PPARG: variants seen among roughly 807,000 people sequenced by gnomAD.
The protein encoded by PPARG is peroxisome proliferator activated receptor gamma.
PPARG carries 17 observed loss-of-function variants against 39.2 expected under a neutral mutation model. That is an observed-to-expected ratio of 0.43 (90% confidence interval 0.30 to 0.65). The LOEUF is 0.65. Among genes scored for constraint, PPARG ranks in the 30% least tolerant of loss-of-function variants. PPARG has a pLI of 0.13. For missense variants in PPARG, 406 were observed against 585.9 expected (o/e 0.69, Z 3.17); for synonymous variants, 223 against 215.7 (o/e 1.03, Z -0.30).
intron 1 of PPARG, among the ~76,000 whole-genome samples, chr3:12,311,594 T>C (rs2047245678): frequency 6.6e-6 from 1 of 152,194 alleles, no homozygotes; most frequent in Admixed American, 6.5e-5. Flanking sequence ...GAGAAAATAC[T>C]GTAGAGTTTC....
At chr3:12,368,559 T>C (rs2049102774) in intron 2 of PPARG, among the ~76,000 whole-genome samples, 1 of 152,204 alleles carries the variant, frequency 6.6e-6, no homozygotes, top group South Asian at 2.1e-4. Flanking sequence ...ATTTAAACTC[T>C]AGCCCCAATA....
intron 7 of PPARG, among the ~76,000 whole-genome samples, chr3:12,424,208 G>C (rs1375029322): frequency 6.6e-6 from 1 of 152,204 alleles, no homozygotes; most frequent in African/African-American, 2.4e-5. Flanking sequence ...TGGGGGCGGG[G>C]ATAGAATGAT....
intron 2 of PPARG, among the ~76,000 whole-genome samples, chr3:12,314,995 T>C (rs1011525821): frequency 2.0e-4 from 30 of 152,304 alleles, no homozygotes; most frequent in African/African-American, 5.3e-4. Context: ...CTTCTAGCTA[T>C]TGGAAAATAT....
At chr3:12,408,567 C>CTTTTTTTTTTTTTT (rs397945616) in intron 6 of PPARG, among the ~76,000 whole-genome samples, 6 of 113,258 alleles carry the variant, frequency 5.3e-5, no homozygotes, top group Non-Finnish European at 1.0e-4. Flanking sequence ...CTTTTCTTTT[C>CTTTTTTTTTTTTTT]TTTTTTTTTT....
chr3:12,364,870 T>C (rs2048964712), intron 2 of PPARG, among the ~76,000 whole-genome samples: 1 of 152,222 alleles, frequency 6.6e-6, no homozygotes, highest in Non-Finnish European at 1.5e-5. Flanking sequence ...TTTTGCTCAT[T>C]TTTAAAACAG....
chr3:12,380,275 A>G (rs917341393), intron 3 of PPARG, among the ~76,000 whole-genome samples: 1 of 152,022 alleles, frequency 6.6e-6, no homozygotes, highest in African/African-American at 2.4e-5. Context: ...TTGGCCCCTT[A>G]TAAGTTAATA....
intron 2 of PPARG, among the ~76,000 whole-genome samples, chr3:12,338,235 T>C (rs928770962): frequency 2.0e-5 from 3 of 152,214 alleles, no homozygotes; most frequent in Admixed American, 1.3e-4. Context: ...TCAATGAGAT[T>C]AACAACATAC....
intron 2 of PPARG, chr3:12,371,738 C>G (rs964232): frequency 2.0e-6 from 1 of 499,656 alleles, no homozygotes; most frequent in Non-Finnish European, 3.8e-6. Context: ...GCTGGGCTCC[C>G]GTCCAGTCAG....
intron 2 of PPARG, 102 bp from the exon 3 acceptor site, chr3:12,379,602 A>T (rs1215481856): frequency 1.0e-5 from 11 of 1,073,622 alleles, no homozygotes; most frequent in Non-Finnish European, 1.6e-5. Flanking sequence ...CCCAGATGAG[A>T]TTACTTTGCC....
At chr3:12,409,687 T>C (rs1429990961) in intron 6 of PPARG, among the ~76,000 whole-genome samples, 1 of 152,158 alleles carries the variant, frequency 6.6e-6, no homozygotes, top group Non-Finnish European at 1.5e-5. Context: ...ATGTCATTAG[T>C]GTTGGTTAGG....
chr3:12,312,637 C>T (rs2047279371), intron 2 of PPARG, among the ~76,000 whole-genome samples, 184 bp downstream of exon 2: 3 of 151,868 alleles, frequency 2.0e-5, no homozygotes, highest in Admixed American at 6.6e-5. Context: ...TTGTCTAACA[C>T]AAAACAAAGG....
chr3:12,399,010 A>G (rs1042632687), intron 5 of PPARG, among the ~76,000 whole-genome samples: 1 of 152,194 alleles, frequency 6.6e-6, no homozygotes, highest in Non-Finnish European at 1.5e-5. Flanking sequence ...GAAAGGCCAG[A>G]GCCAGTACAG....
chr3:12,345,079 A>G (rs2048288701), intron 2 of PPARG, among the ~76,000 whole-genome samples: 1 of 141,252 alleles, frequency 7.1e-6, no homozygotes, highest in African/African-American at 2.4e-5. Context: ...ATACAGATCC[A>G]AGGTGTTTTT....
At chr3:12,305,002 G>A (rs1324194823) in intron 1 of PPARG, among the ~76,000 whole-genome samples, 2 of 152,088 alleles carry the variant, frequency 1.3e-5, no homozygotes, top group Admixed American at 6.6e-5. Context: ...AGCCTTTCTT[G>A]TCTTCTATCT....
intron 4 of PPARG, 77 bp downstream of exon 4, chr3:12,381,568 A>C: frequency 6.9e-7 from 1 of 1,446,272 alleles, no homozygotes; most frequent in Non-Finnish European, 9.6e-7. Context: ...TTTTTAGGTG[A>C]TACAATATAT....
At chr3:12,334,417 GATGGGTTTTCGCC>G (rs2047951947) in intron 2 of PPARG, among the ~76,000 whole-genome samples, 1 of 151,910 alleles carries the variant, frequency 6.6e-6, no homozygotes, top group South Asian at 2.1e-4. Flanking sequence ...TTTTAGTAGA[GATGGGTTTTCGCC>G]ATGTTGTCCA....
chr3:12,429,446 G>A (rs905992316), intron 7 of PPARG, among the ~76,000 whole-genome samples: 2 of 151,870 alleles, frequency 1.3e-5, no homozygotes, highest in Non-Finnish European at 2.9e-5. Context: ...GGCTGGGAGC[G>A]GTGGCTCCCG....
intron 7 of PPARG, among the ~76,000 whole-genome samples, chr3:12,425,600 T>C (rs1364657925): frequency 6.6e-6 from 1 of 152,108 alleles, no homozygotes; most frequent in Non-Finnish European, 1.5e-5. Context: ...GGATCGTTCT[T>C]CCTATTTCAG....
chr3:12,402,267 C>T (rs998976153), intron 5 of PPARG, among the ~76,000 whole-genome samples: 8 of 152,168 alleles, frequency 5.3e-5, no homozygotes, highest in African/African-American at 1.9e-4. Flanking sequence ...CTAGTCACCT[C>T]TATTTTGTTA....
Sources: gnomAD v4.1 joint callset for allele counts (sites outside exome capture counted in the v4.1 genomes callset) on GRCh38, gnomAD v4.1.1 for gene constraint, MANE v1.5 for transcripts, NCBI Gene and HGNC (gene_info 2026-07-23, HGNC 2026-07-21) for gene names.